NAA25: variants seen among roughly 807,000 people sequenced by gnomAD.
NAA25 encodes the protein N-alpha-acetyltransferase 25, NatB auxiliary subunit.
A neutral mutation model predicts 132.5 loss-of-function variants in NAA25; 30 were observed. That is an observed-to-expected ratio of 0.23 (90% CI 0.17 to 0.31). The LOEUF (loss-of-function observed/expected upper bound fraction) is 0.31. Ranked by LOEUF, NAA25 falls within the 10% of genes least tolerant of loss-of-function variation. The pLI, the probability that NAA25 is intolerant of heterozygous loss-of-function variation, is 1.00. For synonymous variants in NAA25, 359 were observed against 401.9 expected, an observed-to-expected ratio of 0.89 and a Z score of 1.28; for missense variants, 771 against 1,150.4, an observed-to-expected ratio of 0.67 and a Z score of 4.77.
intron 1 of NAA25, among the ~76,000 whole-genome samples, chr12:112,101,466 G>A (rs2079294812): frequency 6.6e-6 from 1 of 152,014 alleles, no homozygotes; most frequent in South Asian, 2.1e-4. Context: ...ATATATATAA[G>A]ATAATACAGG....
At chr12:112,039,464 T>C (rs1258193994) in intron 21 of NAA25, 125 bp from the exon 22 acceptor site, 45 of 593,534 alleles carry the variant, frequency 7.6e-5, no homozygotes, top group Non-Finnish European at 1.2e-4. Flanking sequence ...CAATTTCTCA[T>C]GTGAATCTCC....
At chr12:112,092,912 G>A (rs994056171) in intron 2 of NAA25, 139 bp downstream of exon 2, 24 of 500,436 alleles carry the variant, frequency 4.8e-5, no homozygotes, top group Non-Finnish European at 6.4e-5. Context: ...TCCTGACATC[G>A]TGATCCGCTT....
At chr12:112,090,904 G>A (rs201526326) in intron 2 of NAA25, 40 bp from the exon 3 acceptor site, 122 of 1,564,954 alleles carry the variant, frequency 7.8e-5, no homozygotes, top group Admixed American at 3.9e-5. Context: ...TAAAAAGACA[G>A]AAAAGGAAAT....
chr12:112,039,470 T>A, intron 21 of NAA25, 131 bp from the exon 22 acceptor site: 2 of 580,056 alleles, frequency 3.4e-6, no homozygotes, highest in Non-Finnish European at 3.0e-6. Context: ...CTCATGTGAA[T>A]CTCCACTCTA....
intron 17 of NAA25, among the ~76,000 whole-genome samples, chr12:112,046,488 T>C (rs893362685): frequency 6.6e-6 from 1 of 152,240 alleles, no homozygotes; most frequent in Non-Finnish European, 1.5e-5. Flanking sequence ...AATCACTGAA[T>C]GTGGCCTTGG....
chr12:112,061,133 T>C, intron 12 of NAA25, 48 bp downstream of exon 12: 1 of 1,539,074 alleles, frequency 6.5e-7, no homozygotes, highest in South Asian at 1.1e-5. Flanking sequence ...GCCTTCTAAG[T>C]CTTAGTGTAG....
chr12:112,089,004 T>G (rs1217039212), intron 3 of NAA25, among the ~76,000 whole-genome samples: 1 of 152,180 alleles, frequency 6.6e-6, no homozygotes, highest in Non-Finnish European at 1.5e-5. Flanking sequence ...AAATGATTTT[T>G]TTTAAAACAC....
chr12:112,041,061 G>A (rs956710105), intron 20 of NAA25, among the ~76,000 whole-genome samples: 1 of 151,856 alleles, frequency 6.6e-6, no homozygotes, highest in Non-Finnish European at 1.5e-5. Flanking sequence ...CACGCCAGTA[G>A]TCCCAGCTAC....
intron 22 of NAA25, chr12:112,033,945 TGATACAACTAAAAAACCTA>T (rs1217965544): frequency 1.3e-5 from 2 of 152,220 alleles, no homozygotes; most frequent in Non-Finnish European, 2.9e-5. Flanking sequence ...AAGAAACATG[TGATACAACTAAAAAACCTA>T]GCCAATCAAT....
chr12:112,045,500 A>AAAAAAAC, intron 17 of NAA25, among the ~76,000 whole-genome samples: 1 of 147,460 alleles, frequency 6.8e-6, no homozygotes, highest in African/African-American at 2.5e-5. Flanking sequence ...AAAAAAAAAA[A>AAAAAAAC]AAAAAAAATA....
chr12:112,029,783 C>A, intron 23 of NAA25, 130 bp from the exon 24 acceptor site: 1 of 1,297,968 alleles, frequency 7.7e-7, no homozygotes, highest in Non-Finnish European at 1.0e-6. Context: ...CACAGTGGGT[C>A]ATTTTCAATT....
intron 5 of NAA25, among the ~76,000 whole-genome samples, chr12:112,079,866 C>T (rs972454431): frequency 6.6e-6 from 1 of 152,152 alleles, no homozygotes; most frequent in Non-Finnish European, 1.5e-5. Context: ...AAGCAAACCT[C>T]AAGTTGTAAT....
chr12:112,031,657 A>T (rs1391926683), intron 23 of NAA25, among the ~76,000 whole-genome samples: 3 of 152,024 alleles, frequency 2.0e-5, no homozygotes, highest in Non-Finnish European at 4.4e-5. Context: ...TTTAACATAA[A>T]CAACCACTTG....
intron 1 of NAA25, among the ~76,000 whole-genome samples, chr12:112,098,899 T>C (rs2079252801): frequency 1.3e-5 from 2 of 152,160 alleles, no homozygotes; most frequent in African/African-American, 4.8e-5. Flanking sequence ...CCACCACGCC[T>C]GGCCCTAATC....
intron 10 of NAA25, among the ~76,000 whole-genome samples, chr12:112,069,640 G>A (rs1467946523): frequency 2.0e-5 from 3 of 151,618 alleles, no homozygotes; most frequent in African/African-American, 7.3e-5. Flanking sequence ...GGCCAACATG[G>A]AGAAACTCGT....
intron 17 of NAA25, among the ~76,000 whole-genome samples, chr12:112,045,077 A>G (rs2078358721): frequency 6.6e-6 from 1 of 151,974 alleles, no homozygotes; most frequent in South Asian, 2.1e-4. Context: ...AAAAAATGCA[A>G]ATGATAGAAA....
chr12:112,043,290 G>T (rs1294541872), intron 18 of NAA25, 79 bp from the exon 19 acceptor site: 2 of 1,431,480 alleles, frequency 1.4e-6, no homozygotes, highest in African/African-American at 1.4e-5. Context: ...GTAACTAGTA[G>T]ATAAAAACCT....
At position 112,049,153 on chromosome 12, in the gene NAA25, AT is replaced by A. The variant is rs1159160763; in HGVS notation, c.1729-711del. ...GGGAACATTCACCACATGTGCTTTA[AT>A]TGTAGCTTAATACATATACAGAGAT... On this transcript the variant is annotated intron_variant, in intron 15 of 23. Coordinates refer to ENST00000261745, the MANE Select transcript of NAA25 (RefSeq NM_024953.4). The surrounding 1 kb of genome is among the most constrained non-coding windows in gnomAD (Gnocchi z 4.7). Among the ~76,000 whole-genome samples the A allele has an allele frequency of 1.3e-5, 2 of 152,246 alleles. No individual in the cohort carries two copies. The highest frequency in any genetic ancestry group is 4.8e-5 in the African/African-American group (2 of 41,464).
chr12:112,093,259 G>A lies in NAA25; in HGVS notation c.59-123C>T. 4 of 604,256 alleles carry A rather than the reference G, an allele frequency of 6.6e-6. 1 individual carries two copies. The highest frequency in any genetic ancestry group is 3.8e-5 in the South Asian group (2 of 52,584). 37.4% of individuals were successfully genotyped at this position (604,256 alleles called of 1,614,324 possible). A position where few individuals can be genotyped will look rare whatever the true frequency, so the allele number is the denominator to read the frequency against. On this transcript the variant is annotated intron_variant, in intron 1 of 23. Transcript: ENST00000261745. The stretch of plus-strand genomic sequence containing the variant: ...ATTTGCTATATAAAACATCATGGAG[G>A]CCGGGCGTGGTGGCTTACACCTGTA...
Sources: gnomAD v4.1 joint callset for allele counts (sites outside exome capture counted in the v4.1 genomes callset) on GRCh38, gnomAD v4.1.1 for gene constraint, Gnocchi (gnomAD v3.1) non-coding constraint, MANE v1.5 for transcripts, NCBI Gene and HGNC (gene_info 2026-07-23, HGNC 2026-07-21) for gene names.